The following WWTR1 variants were observed in gnomAD, a reference collection of about 807,000 sequenced individuals.
The protein encoded by WWTR1 is WW domain-containing transcription regulator protein 1.
In WWTR1, 13 loss-of-function variants were observed where a neutral mutation model predicts 40.1. The observed-to-expected ratio is 0.32, with a 90% CI of 0.21 to 0.52. WWTR1 has a LOEUF of 0.52. Among genes scored for constraint, WWTR1 ranks in the 20% least tolerant of loss-of-function variants. The pLI, the probability that WWTR1 is intolerant of heterozygous loss-of-function variation, is 0.97. For synonymous variants in WWTR1, 230 were observed against 210.1 expected, an observed-to-expected ratio of 1.09 and a Z score of -0.82; for missense variants, 436 against 523.1, an observed-to-expected ratio of 0.83 and a Z score of 1.63.
intron 4 of WWTR1, among the ~76,000 whole-genome samples, chr3:149,536,012 CA>C (rs1560048798): frequency 6.6e-6 from 1 of 150,796 alleles, no homozygotes; most frequent in Admixed American, 6.6e-5. Flanking sequence ...GACTGTGTCT[CA>C]AAAAGAGAAG....
intron 2 of WWTR1, among the ~76,000 whole-genome samples, chr3:149,603,742 A>T (rs1739359584): frequency 6.6e-6 from 1 of 151,468 alleles, no homozygotes; most frequent in Admixed American, 6.6e-5. Flanking sequence ...TTCTTTGTTC[A>T]TGTCCTTAGT....
At chr3:149,715,609 C>A (rs1000790479) in intron 5 of WWTR1, among the ~76,000 whole-genome samples, 1 of 152,172 alleles carries the variant, frequency 6.6e-6, no homozygotes, top group Non-Finnish European at 1.5e-5. Flanking sequence ...GCCGAGTGGG[C>A]GGAACAAGCC....
intron 3 of WWTR1, among the ~76,000 whole-genome samples, chr3:149,551,633 G>T (rs542175747): frequency 6.9e-6 from 1 of 145,702 alleles, no homozygotes; most frequent in South Asian, 2.2e-4. Context: ...ATCCTGGTTT[G>T]CCTGGGACTG....
At chr3:149,693,272 GA>G (rs1714880932) in intron 1 of WWTR1, among the ~76,000 whole-genome samples, 1 of 152,022 alleles carries the variant, frequency 6.6e-6, no homozygotes, top group African/African-American at 2.4e-5. Flanking sequence ...TAAGCTTAAC[GA>G]AAGAAGTGGT....
At chr3:149,530,376 A>G (rs1055807550) in intron 4 of WWTR1, among the ~76,000 whole-genome samples, 3 of 151,974 alleles carry the variant, frequency 2.0e-5, no homozygotes, top group Non-Finnish European at 4.4e-5. Context: ...TACAAGTTGA[A>G]TCTGCAATTT....
At chr3:149,646,532 C>A (rs1391834578) in intron 2 of WWTR1, among the ~76,000 whole-genome samples, 1 of 152,230 alleles carries the variant, frequency 6.6e-6, no homozygotes, top group Non-Finnish European at 1.5e-5. Context: ...AGTCCATGGA[C>A]CATACTTTGA....
upstream of WWTR1, among the ~76,000 whole-genome samples, chr3:149,660,811 A>T (rs1021950418): frequency 3.9e-5 from 6 of 152,236 alleles, no homozygotes; most frequent in Admixed American, 1.3e-4. Context: ...TTAGAACACA[A>T]TATTTGAAGC....
At chr3:149,547,229 A>AG (rs1736405524) in intron 3 of WWTR1, among the ~76,000 whole-genome samples, 1 of 151,308 alleles carries the variant, frequency 6.6e-6, no homozygotes, top group African/African-American at 2.4e-5. Context: ...TTCCATTAAA[A>AG]AAAAAAAAAA....
At chr3:149,715,018 C>T (rs1200473457) in intron 5 of WWTR1, among the ~76,000 whole-genome samples, 1 of 152,150 alleles carries the variant, frequency 6.6e-6, no homozygotes, top group East Asian at 1.9e-4. Flanking sequence ...CTCGTCGGGA[C>T]ACCCTGGCTA....
At chr3:149,635,414 G>A (rs1451651392) in intron 2 of WWTR1, among the ~76,000 whole-genome samples, 2 of 152,076 alleles carry the variant, frequency 1.3e-5, no homozygotes, top group East Asian at 1.9e-4. Context: ...ATGGAGTAAC[G>A]TATTAAGATC....
intron 6 of WWTR1, among the ~76,000 whole-genome samples, chr3:149,522,588 G>T (rs749948806): frequency 1.3e-5 from 2 of 152,092 alleles, no homozygotes; most frequent in Non-Finnish European, 2.9e-5. Context: ...TAAAAATGAG[G>T]CTTTAAAAAG....
chr3:149,620,319 T>A (rs1021930075), intron 2 of WWTR1, among the ~76,000 whole-genome samples: 1 of 151,994 alleles, frequency 6.6e-6, no homozygotes, highest in Non-Finnish European at 1.5e-5. Context: ...ACCTCCATGA[T>A]ATGAGACCTG....
intron 6 of WWTR1, among the ~76,000 whole-genome samples, chr3:149,524,066 C>G (rs1165939186): frequency 6.6e-6 from 1 of 152,228 alleles, no homozygotes; most frequent in Non-Finnish European, 1.5e-5. Context: ...GATCTCATGA[C>G]TCCTCACAAC....
intron 2 of WWTR1, among the ~76,000 whole-genome samples, chr3:149,650,490 C>T (rs1479469568): frequency 1.3e-5 from 2 of 152,146 alleles, no homozygotes; most frequent in Non-Finnish European, 2.9e-5. Context: ...AAATAATATA[C>T]GTAAAAGCAT....
At chr3:149,603,876 C>T (rs1429849937) in intron 2 of WWTR1, among the ~76,000 whole-genome samples, 1 of 115,194 alleles carries the variant, frequency 8.7e-6, no homozygotes, top group East Asian at 2.3e-4. Flanking sequence ...AAAAAAAAAG[C>T]ATGTGAAGCT....
intron 1 of WWTR1, among the ~76,000 whole-genome samples, chr3:149,676,692 C>A (rs1167323518): frequency 1.3e-5 from 2 of 152,022 alleles, no homozygotes; most frequent in African/African-American, 4.8e-5. Context: ...GATTCTAAAC[C>A]GGGTCTGCCT....
intron 3 of WWTR1, among the ~76,000 whole-genome samples, chr3:149,564,444 T>A (rs1325154619): frequency 6.6e-6 from 1 of 151,704 alleles, no homozygotes; most frequent in Non-Finnish European, 1.5e-5. Flanking sequence ...TGTTCTCCTC[T>A]TCCACCACAA....
chr3:149,718,840 T>C (rs1399541265), intron 4 of WWTR1, among the ~76,000 whole-genome samples: 1 of 149,378 alleles, frequency 6.7e-6, no homozygotes, highest in Non-Finnish European at 1.5e-5. Flanking sequence ...ATTTTTTTTT[T>C]CTTGTGGCAG....
chr3:149,656,906 A>C lies in WWTR1; in HGVS notation c.401T>G (p.Phe134Cys). The change falls in exon 2 of 7, where the codon TTC becomes TGC. Residue 134 changes from phenylalanine (F) to cysteine (C), a missense_variant. By Grantham distance (205) the Phe-to-Cys change is radical. Coordinates refer to ENST00000360632, the MANE Select transcript of WWTR1 (RefSeq NM_015472.6). ...LPLPPGWEMT[F>C]TATGQRYFLN... ...GAAGTACCTCTGGCCAGTGGCCGTG[A>C]AGGTCATCTCCCAGCCCGGGGGCAG... 1 of 1,543,002 alleles carries C rather than the reference A, an allele frequency of 6.5e-7. No homozygotes were observed. Among genetic ancestry groups the C allele is most frequent in the East Asian group, 2.3e-5 (1 of 43,840 alleles).
Sources: gnomAD v4.1 joint callset for allele counts (sites outside exome capture counted in the v4.1 genomes callset) on GRCh38, gnomAD v4.1.1 for gene constraint, MANE v1.5 for transcripts, NCBI Gene and HGNC (gene_info 2026-07-23, HGNC 2026-07-21) for gene names.